CCDC40: variants seen among roughly 807,000 people sequenced by gnomAD.
The protein encoded by CCDC40 is coiled-coil domain-containing protein 40.
A neutral mutation model predicts 124.5 loss-of-function variants in CCDC40; 104 were observed. That is an observed-to-expected ratio of 0.84 (90% CI 0.71 to 0.98). CCDC40 has a LOEUF of 0.98. Ranked by LOEUF, CCDC40 falls within the 50% of genes least tolerant of loss-of-function variation. The pLI, the probability that CCDC40 is intolerant of heterozygous loss-of-function variation, is 0.00. For missense variants in CCDC40, 1,463 were observed against 1,503.9 expected, an observed-to-expected ratio of 0.97 and a Z score of 0.45; for synonymous variants, 580 against 602.9, an observed-to-expected ratio of 0.96 and a Z score of 0.56.
At chr17:80,046,531 T>TAATAATAA (rs2037423704) in intron 3 of CCDC40, among the ~76,000 whole-genome samples, 1 of 97,308 alleles carries the variant, frequency 1.0e-5, no homozygotes, top group African/African-American at 5.6e-5. Context: ...AGACCCTTAC[T>TAATAATAA]CAATAATAAT....
chr17:80,056,626 G>A (rs754654173), intron 7 of CCDC40, among the ~76,000 whole-genome samples: 8 of 151,686 alleles, frequency 5.3e-5, no homozygotes, highest in Non-Finnish European at 8.8e-5. Flanking sequence ...AAAACAACAA[G>A]AACAACAACA....
At chr17:80,059,083 G>A (rs1335813633) in intron 9 of CCDC40, 103 bp downstream of exon 9, 1 of 1,423,192 alleles carries the variant, frequency 7.0e-7, no homozygotes, top group East Asian at 2.3e-5. Flanking sequence ...TCTGCTGGAT[G>A]AGTGACTGCA....
At chr17:80,049,787 T>G in intron 5 of CCDC40, 119 bp from the exon 6 acceptor site, 2 of 796,062 alleles carry the variant, frequency 2.5e-6, no homozygotes, top group Non-Finnish European at 4.4e-6. Context: ...CAGGGAGCAC[T>G]CCACACGGAA....
In CCDC40 at chr17:80,100,045, T is replaced by C. The variant is rs1395019040; in HGVS notation, c.*270T>C. The C allele has an allele frequency of 2.0e-6, 1 of 501,566 alleles. No individual in the cohort carries two copies. The highest frequency in any genetic ancestry group is 1.9e-5 in the African/African-American group (1 of 51,628). The allele number at this position is 501,566 out of a possible 1,614,324, so 31.1% of individuals were successfully genotyped here. A position where few individuals can be genotyped will look rare whatever the true frequency, so the allele number is the denominator to read the frequency against. Reference sequence around the variant, plus strand: ...GACCCACACACCCACACTCCCACACTGGGCTTACTCGTCCAGGTAACACTT... The same window carrying C: ...GACCCACACACCCACACTCCCACACCGGGCTTACTCGTCCAGGTAACACTT... On this transcript the variant is annotated 3_prime_UTR_variant, in exon 20 of 20. Transcript: ENST00000397545.
chr17:80,087,426 C>T lies in CCDC40; in HGVS notation c.2450-181C>T. ...GCCAAAAAGAGACCCCCTGTCCTCT[C>T]CTCTCCTCTGTCCTGGCAGGGACGA... On this transcript the variant is annotated intron_variant, in intron 14 of 19. Coordinates refer to ENST00000397545, the MANE Select transcript of CCDC40 (RefSeq NM_017950.4). The surrounding 1 kb of genome is among the most constrained non-coding windows in gnomAD (Gnocchi z 4.5). 1.5e-6 allele frequency: 1 copy of T among 662,328 alleles called. No individual in the cohort carries two copies. Among genetic ancestry groups the T allele is most frequent in the Non-Finnish European group, 2.8e-6 (1 of 362,396 alleles). The allele number at this position is 662,328 out of a possible 1,614,324, so 41.0% of individuals were successfully genotyped here.
rs542252335 is a variant in CCDC40, at chr17:80,089,755, C to T, written c.2712-9C>T. On this transcript the variant is annotated splice_polypyrimidine_tract_variant and intron_variant, in intron 16 of 19. Coordinates refer to ENST00000397545, the MANE Select transcript of CCDC40 (RefSeq NM_017950.4). ...CTAATTTCTTACACTGCCTCTCCTA[C>T]CTCTAAAGACACCAGATTATGCTTT... The T allele has an allele frequency of 2.5e-6, 4 of 1,614,226 alleles. No homozygotes were observed. Among genetic ancestry groups the T allele is most frequent in the Admixed American group, 1.7e-5 (1 of 60,026 alleles).
intron 5 of CCDC40, 34 bp downstream of exon 5, chr17:80,048,795 A>T: frequency 6.4e-7 from 1 of 1,565,354 alleles, no homozygotes; most frequent in East Asian, 2.3e-5. Context: ...GCTTTTGCCT[A>T]CATGGATGGC....
intron 10 of CCDC40, 66 bp from the exon 11 acceptor site, chr17:80,081,480 G>A (rs1598532850): frequency 7.5e-6 from 12 of 1,605,636 alleles, no homozygotes; most frequent in Admixed American, 5.0e-5. Flanking sequence ...CGTGTGGGGC[G>A]CAGCTCTGTG....
At chr17:80,084,717 A>T (rs1163664102) in intron 12 of CCDC40, 26 bp from the exon 13 acceptor site, 1 of 1,613,418 alleles carries the variant, frequency 6.2e-7, no homozygotes, top group Non-Finnish European at 8.5e-7. Context: ...GGCAATATTC[A>T]CAGGTATTTC....
At chr17:80,093,726 T>C (rs1598551768) in intron 17 of CCDC40, among the ~76,000 whole-genome samples, 4 of 146,078 alleles carry the variant, frequency 2.7e-5, no homozygotes. Flanking sequence ...GTTGGCCAGG[T>C]TGGTCTCAAA....
chr17:80,071,490 C>G (rs80341424), intron 10 of CCDC40, among the ~76,000 whole-genome samples: 4,757 of 152,260 alleles, frequency 0.031, 246 homozygotes, highest in African/African-American at 0.1. Context: ...CTCAGAGGCA[C>G]GGTGCCCAAT....
At chr17:80,075,812 T>TA (rs1002178503) in intron 10 of CCDC40, among the ~76,000 whole-genome samples, 29 of 152,330 alleles carry the variant, frequency 1.9e-4, no homozygotes, top group African/African-American at 6.7e-4. Flanking sequence ...AAACTGCAAT[T>TA]ACTTTTGCAC....
In CCDC40 at chr17:80,058,735, G is replaced by T. The variant is rs1422931117; in HGVS notation, c.1317+84G>T. 6.2e-7 allele frequency: 1 copy of T among 1,605,696 alleles called. No homozygotes were observed. Among genetic ancestry groups the T allele is most frequent in the Admixed American group, 1.7e-5 (1 of 59,962 alleles). ...GGCTCAGCTTTGCCTCCTGCGTGAA[G>T]GCTTCCGGCCGGAGGGGTGGCGGCC... On this transcript the variant is annotated intron_variant, in intron 8 of 19. Transcript: ENST00000397545. The surrounding 1 kb of genome is among the most constrained non-coding windows in gnomAD (Gnocchi z 4.2).
At chr17:80,041,323 C>T (rs1238143146) in intron 3 of CCDC40, among the ~76,000 whole-genome samples, 2 of 152,046 alleles carry the variant, frequency 1.3e-5, no homozygotes, top group African/African-American at 4.8e-5. Flanking sequence ...GCCTGGCCAA[C>T]ATGGTGAAAC....
chr17:80,081,907 C>T lies in CCDC40; in HGVS notation c.1838C>T (p.Ala613Val). ...EQMILTEELQ[A>V]IRQAIQGELE... ...ATGATACTCACGGAGGAGTTGCAGG[C>T]CATCCGCCAAGCCATCCAGGGCGAG... The change falls in exon 12 of 20, where the codon GCC (alanine) becomes GTC (valine). Residue 613 changes from alanine (A) to valine (V), a missense_variant. Coordinates refer to ENST00000397545, the MANE Select transcript of CCDC40 (RefSeq NM_017950.4). The T allele has an allele frequency of 6.2e-7, 1 of 1,614,090 alleles. No homozygotes were observed. The highest frequency in any genetic ancestry group is 8.5e-7 in the Non-Finnish European group (1 of 1,180,026).
At chr17:80,089,565 G>T (rs1395074343) in intron 16 of CCDC40, 199 bp from the exon 17 acceptor site, 13 of 448,632 alleles carry the variant, frequency 2.9e-5, no homozygotes, top group South Asian at 5.2e-5. Context: ...CCCTCCCCCT[G>T]TATGCCAGAG....
intron 4 of CCDC40, among the ~76,000 whole-genome samples, chr17:80,047,685 G>A (rs1356363299): frequency 6.6e-6 from 1 of 152,194 alleles, no homozygotes; most frequent in Non-Finnish European, 1.5e-5. Flanking sequence ...GTGACAGAAC[G>A]CGGCCTTCAC....
In CCDC40 at chr17:80,087,832, G is replaced by A; in HGVS notation, c.2619+56G>A. 2 of 1,522,728 alleles carry A rather than the reference G, an allele frequency of 1.3e-6. No homozygotes were observed. Among genetic ancestry groups the A allele is most frequent in the East Asian group, 2.3e-5 (1 of 44,426 alleles). The allele number at this position is 1,522,728 out of a possible 1,614,324, so 94.3% of individuals were successfully genotyped here. On this transcript the variant is annotated intron_variant, in intron 15 of 19. Transcript: ENST00000397545. This position sits in a 1 kb window ranked among gnomAD's most constrained non-coding sequence, Gnocchi z 4.5. ...CAGGACGATGGAGGGCGGGGGTACG[G>A]TCCTTGCGGTGGGCGTTCTGCACCA... is the stretch of plus-strand genomic sequence containing the variant.
chr17:80,081,143 G>T (rs1332705900), intron 10 of CCDC40, among the ~76,000 whole-genome samples: 1 of 152,136 alleles, frequency 6.6e-6, no homozygotes, highest in Non-Finnish European at 1.5e-5. Flanking sequence ...AGCACTTTGG[G>T]AGGCCAAGGC....
Sources: allele counts gnomAD v4.1 joint callset (sites outside exome capture counted in the v4.1 genomes callset), GRCh38; gene constraint gnomAD v4.1.1; non-coding constraint Gnocchi (gnomAD v3.1); transcripts MANE v1.5; gene names NCBI Gene and HGNC (gene_info 2026-07-23, HGNC 2026-07-21).